The following TBC1D2 variants were observed in gnomAD, a reference collection of about 807,000 sequenced individuals.
The protein encoded by TBC1D2 is TBC1 domain family member 2A.
Under a neutral mutation model 91.1 loss-of-function variants are expected in TBC1D2, and 58 were observed. The ratio of observed to expected loss-of-function variants is 0.64; its 90% CI spans 0.52 to 0.79. TBC1D2 has a LOEUF of 0.79. Ranked by LOEUF, TBC1D2 falls within the 30% of genes least tolerant of loss-of-function variation. The pLI is 0.00. For missense variants in TBC1D2, 1,080 were observed against 1,208.3 expected (o/e 0.89, Z 1.57); for synonymous variants, 482 against 511.5 (o/e 0.94, Z 0.78).
At chr9:98,234,018 C>T (rs1328859566) in intron 3 of TBC1D2, among the ~76,000 whole-genome samples, 4 of 152,294 alleles carry the variant, frequency 2.6e-5, no homozygotes, top group South Asian at 4.1e-4. Context: ...CAGTGGCTCC[C>T]GACTTCTGCT....
chr9:98,215,327 C>A lies in TBC1D2; in HGVS notation c.1375-2109G>T, dbSNP rs555666476. Reference sequence around the variant, plus strand: ...ATGAATACAGAGGCTGTGCAGGCTTCCGGCATCACCCCCATCACCAACACC... The same window carrying A: ...ATGAATACAGAGGCTGTGCAGGCTTACGGCATCACCCCCATCACCAACACC... On this transcript the variant is annotated intron_variant, in intron 6 of 12. Coordinates refer to ENST00000465784, the MANE Select transcript of TBC1D2 (RefSeq NM_001267571.2). 2.6e-5 allele frequency among the ~76,000 whole-genome samples: 4 copies of A among 152,314 alleles called. No homozygotes were observed. The East Asian group carries it at 7.7e-4, about 29-fold the overall frequency.
intron 2 of TBC1D2, among the ~76,000 whole-genome samples, chr9:98,248,905 T>C (rs1012054470): frequency 5.3e-5 from 8 of 152,208 alleles, no homozygotes; most frequent in Admixed American, 4.6e-4. Flanking sequence ...AATAAAGTTG[T>C]AAATCCTTAA....
In TBC1D2 at chr9:98,210,809, T is replaced by C; in HGVS notation, c.1520A>G (p.Glu507Gly). Residue 507 changes from glutamate to glycine, a missense_variant, in exon 8 of 13, where the codon GAA (glutamate) becomes GGA (glycine). By Grantham distance (98) the Glu-to-Gly change is moderately conservative. Coordinates refer to ENST00000465784, the MANE Select transcript of TBC1D2 (RefSeq NM_001267571.2). ...AYLQARNCQV[E>G]SKYLAGLRRL... is the part of the protein sequence containing the mutation. ...TCTCAGACCGGCCAGGTACTTGCTT[T>C]CCACCTGGCAGTTTCTGGCTTGGAG... The C allele has an allele frequency of 2.6e-6, 4 of 1,552,668 alleles. No individual in the cohort carries two copies. The South Asian group carries it at 4.8e-5, about 18-fold the overall frequency.
intron 5 of TBC1D2, among the ~76,000 whole-genome samples, chr9:98,227,449 C>G (rs1287912259): frequency 6.6e-6 from 1 of 152,122 alleles, no homozygotes; most frequent in Admixed American, 6.5e-5. Context: ...GTCTAATCAC[C>G]AGTTGCTTCA....
At chr9:98,251,657 T>C in intron 2 of TBC1D2, 128 bp downstream of exon 2, 1 of 1,358,218 alleles carries the variant, frequency 7.4e-7, no homozygotes. Flanking sequence ...CCCTAACTAA[T>C]CCTGAGTCAT....
rs143884414 is a variant in TBC1D2 at position 98,219,690 on chromosome 9, G to A, written c.1374+1143C>T. ...ATGGCATTTGTGTATCTAAACACATGTAAACATAGAAAAGGTAGCATGTTG... is the reference window on the plus strand; with the variant it reads ...ATGGCATTTGTGTATCTAAACACATATAAACATAGAAAAGGTAGCATGTTG... On this transcript the variant is annotated intron_variant, in intron 6 of 12. Coordinates refer to ENST00000465784, the MANE Select transcript of TBC1D2 (RefSeq NM_001267571.2). 3.9e-4 allele frequency among the ~76,000 whole-genome samples: 59 copies of A among 152,344 alleles called. 1 individual carries two copies. The highest frequency in any genetic ancestry group is 1.3e-3 in the African/African-American group (52 of 41,586).
intron 6 of TBC1D2, 34 bp downstream of exon 6, chr9:98,220,799 G>T (rs765388692): frequency 6.2e-7 from 1 of 1,605,332 alleles, no homozygotes; most frequent in South Asian, 1.1e-5. Flanking sequence ...CAGAGGACCG[G>T]CAGGACTGGC....
intron 3 of TBC1D2, among the ~76,000 whole-genome samples, chr9:98,239,215 C>T (rs1429572165): frequency 1.3e-5 from 2 of 152,008 alleles, no homozygotes; most frequent in African/African-American, 2.4e-5. Context: ...TGTGCCACCA[C>T]ACCCAGCTAA....
chr9:98,237,545 C>T lies in TBC1D2; in HGVS notation c.648-3996G>A, dbSNP rs371529798. Among the ~76,000 whole-genome samples, 354 of 149,500 alleles carry T rather than the reference C, an allele frequency of 2.4e-3. 2 individuals are homozygous for T. The highest frequency in any genetic ancestry group is 7.9e-3 in the African/African-American group (322 of 40,700). On this transcript the variant is annotated intron_variant, in intron 3 of 12. Transcript: ENST00000465784. The stretch of plus-strand genomic sequence containing the variant: ...TTTTTGAGATAGAGTCTTGCTCTGT[C>T]GCCCAGGCTGGAGTGCAGTGGCACG...
At chr9:98,208,525 G>C in intron 9 of TBC1D2, 143 bp downstream of exon 9, 1 of 742,302 alleles carries the variant, frequency 1.3e-6, no homozygotes, top group Non-Finnish European at 2.2e-6. Context: ...AGCTCAGGTG[G>C]TAATGCTCTC....
chr9:98,232,577 C>A (rs1829398723), intron 4 of TBC1D2, among the ~76,000 whole-genome samples: 1 of 152,084 alleles, frequency 6.6e-6, no homozygotes, highest in African/African-American at 2.4e-5. Context: ...CTTGGCCTCC[C>A]AAAGTGCTGG....
intron 4 of TBC1D2, among the ~76,000 whole-genome samples, chr9:98,232,853 T>C (rs548619519): frequency 6.6e-6 from 1 of 152,392 alleles, no homozygotes; most frequent in East Asian, 1.9e-4. Flanking sequence ...AGTCTCACTC[T>C]GTCACCCAGG....
intron 2 of TBC1D2, among the ~76,000 whole-genome samples, chr9:98,246,086 G>A (rs565627945): frequency 6.6e-6 from 1 of 152,302 alleles, no homozygotes; most frequent in East Asian, 1.9e-4. Context: ...TGAAGTATAA[G>A]AGAGGGGAGG....
chr9:98,206,235 C>G lies in TBC1D2; in HGVS notation c.2150+2433G>C, dbSNP rs1408077478. ...CCTCCCAAAGTGCTGGGATTACAGG[C>G]GTGAGCCACTGTGCCTGGCCTATTA... is the stretch of plus-strand genomic sequence containing the variant. On this transcript the variant is annotated intron_variant, in intron 9 of 12. Transcript: ENST00000465784. 2.0e-5 allele frequency among the ~76,000 whole-genome samples: 3 copies of G among 152,196 alleles called. No individual in the cohort carries two copies. In the East Asian group the frequency reaches 5.8e-4, roughly 29 times the overall value.
intron 5 of TBC1D2, among the ~76,000 whole-genome samples, chr9:98,225,863 T>C (rs1039775111): frequency 3.3e-5 from 5 of 152,252 alleles, no homozygotes; most frequent in African/African-American, 9.6e-5. Flanking sequence ...TAGAAATTCC[T>C]AAAGAGTCAC....
At chr9:98,238,261 C>T (rs1829558479) in intron 3 of TBC1D2, among the ~76,000 whole-genome samples, 1 of 136,534 alleles carries the variant, frequency 7.3e-6, no homozygotes, top group Non-Finnish European at 1.5e-5. Context: ...CTACTTAAGC[C>T]CTTTTTTTCA....
At chr9:98,200,508 A>C in intron 11 of TBC1D2, 134 bp from the exon 12 acceptor site, 7 of 375,872 alleles carry the variant, frequency 1.9e-5, no homozygotes, top group East Asian at 8.6e-5. Context: ...TGGAGGCACA[A>C]TGTGTGGGGA....
Position 98,244,128 on chromosome 9 carries a change from C to T in TBC1D2, c.513G>A (p.Gly171=), listed in dbSNP as rs754818561. ...ACTCCTCCAGCTCTGCCTCTTCTTG[C>T]CCTGGGAACAAAGAAAAGGGAAATC... ...GNGPVLHLEL[G]QEEAELEEFL... is the part of the protein sequence containing the mutation. Residue 171 remains glycine, a splice_region_variant and synonymous_variant, in exon 3 of 13, where the codon GGG becomes GGA. Coordinates refer to ENST00000465784, the MANE Select transcript of TBC1D2 (RefSeq NM_001267571.2). 1 of 1,612,986 alleles carries T rather than the reference C, an allele frequency of 6.2e-7. No homozygotes were observed. Among genetic ancestry groups the T allele is most frequent in the East Asian group, 2.2e-5 (1 of 44,860 alleles).
intron 4 of TBC1D2, among the ~76,000 whole-genome samples, 200 bp downstream of exon 4, chr9:98,233,216 C>T (rs374226151): frequency 6.6e-6 from 1 of 152,242 alleles, no homozygotes; most frequent in Non-Finnish European, 1.5e-5. Flanking sequence ...TGATCTTGGA[C>T]CTCCCAGCTT....
Sources: gnomAD v4.1 joint callset for allele counts (sites outside exome capture counted in the v4.1 genomes callset) on GRCh38, gnomAD v4.1.1 for gene constraint, MANE v1.5 for transcripts, NCBI Gene and HGNC (gene_info 2026-07-23, HGNC 2026-07-21) for gene names.